The following ACAD11 variants were observed in gnomAD, a reference collection of about 807,000 sequenced individuals.
ACAD11 encodes the protein acyl-CoA dehydrogenase family member 11.
A neutral mutation model predicts 102.2 loss-of-function variants in ACAD11; 83 were observed. That is an observed-to-expected ratio of 0.81 (90% CI 0.68 to 0.97). The LOEUF (loss-of-function observed/expected upper bound fraction) is 0.97, where lower values mean the gene tolerates loss of function less well. Among genes scored for constraint, ACAD11 ranks in the 50% least tolerant of loss-of-function variants. The probability of loss-of-function intolerance (pLI) is 0.00; values close to 1 mark genes in which losing one functional copy is unlikely to be tolerated. For missense variants in ACAD11, 901 were observed against 951.7 expected (o/e 0.95, Z 0.70); for synonymous variants, 324 against 319.8 (o/e 1.01, Z -0.14).
intron 8 of ACAD11, among the ~76,000 whole-genome samples, chr3:132,627,491 T>C (rs1233683463): frequency 1.3e-5 from 2 of 152,204 alleles, no homozygotes; most frequent in East Asian, 3.8e-4. Context: ...CAAATAATCA[T>C]TATTCTTACT....
At chr3:132,603,355 AG>A (rs761906006) in intron 12 of ACAD11, 28 bp from the exon 13 acceptor site, 2 of 1,586,700 alleles carry the variant, frequency 1.3e-6, no homozygotes, top group South Asian at 2.2e-5. Context: ...CTGAATTTAC[AG>A]GCAGGCAGAT....
chr3:132,590,447 A>G (rs1938029157), intron 13 of ACAD11, among the ~76,000 whole-genome samples: 1 of 151,960 alleles, frequency 6.6e-6, no homozygotes, highest in Admixed American at 6.6e-5. Context: ...GGGTTTTGCC[A>G]TGTTGGCCAG....
intron 11 of ACAD11, 173 bp downstream of exon 11, chr3:132,618,461 A>G (rs1939493854): frequency 1.6e-6 from 1 of 622,786 alleles, no homozygotes; most frequent in South Asian, 3.5e-5. Flanking sequence ...GAATAGTCCA[A>G]TGAAAATTTC....
At chr3:132,634,270 G>C (rs1401905157) in intron 5 of ACAD11, among the ~76,000 whole-genome samples, 1 of 152,134 alleles carries the variant, frequency 6.6e-6, no homozygotes, top group Non-Finnish European at 1.5e-5. Flanking sequence ...CTTCTCAAAA[G>C]AAGACATTTA....
At position 132,631,531 on chromosome 3, in the gene ACAD11, T is replaced by A. The variant is rs373898953; in HGVS notation, c.703-52A>T. The stretch of plus-strand genomic sequence containing the variant: ...AACACATTAAAACTTAAAACAAGTA[T>A]AATAAAGAAATAAATAACATTGAAC... On this transcript the variant is annotated intron_variant, in intron 5 of 19. Transcript: ENST00000264990. 1.3e-5 allele frequency: 17 copies of A among 1,285,764 alleles called. No homozygotes were observed. In the African/African-American group the frequency reaches 2.1e-4, roughly 16 times the overall value. 79.6% of individuals were successfully genotyped at this position (1,285,764 alleles called of 1,614,324 possible).
chr3:132,644,845 A>T lies in ACAD11; in HGVS notation c.201T>A (p.Tyr67Ter). Residue 67 changes from tyrosine to a stop codon, truncating the protein, a stop_gained, in exon 2 of 20, where the codon TAT becomes TAA. Coordinates refer to ENST00000264990, the MANE Select transcript of ACAD11 (RefSeq NM_032169.5). LOFTEE classifies it high-confidence loss of function. ...AACCTGGTGGTTTTTTCCTGAGCAC[A>T]TATGTTTGAAAGCCCTTCTGGAGAT... ...TFYLQKGFQT[Y>*]VLRKKPPGSL... is the part of the protein sequence containing the mutation. 6.2e-7 allele frequency: 1 copy of T among 1,612,912 alleles called. No individual in the cohort carries two copies. Among genetic ancestry groups the T allele is most frequent in the Non-Finnish European group, 8.5e-7 (1 of 1,179,542 alleles).
At chr3:132,560,281 G>A (rs1167797368) in intron 18 of ACAD11, among the ~76,000 whole-genome samples, 1 of 152,130 alleles carries the variant, frequency 6.6e-6, no homozygotes, top group Non-Finnish European at 1.5e-5. Context: ...TCTTTTAGCA[G>A]TTTTATGGGC....
rs1041491417 is a variant in ACAD11 at position 132,616,547 on chromosome 3, CTTGTT to C, written c.1414+2082_1414+2086del. Among the ~76,000 whole-genome samples the C allele has an allele frequency of 8.0e-4, 122 of 152,310 alleles. 1 individual carries two copies. The highest frequency in any genetic ancestry group is 2.1e-4 in the Non-Finnish European group (14 of 68,024). On this transcript the variant is annotated intron_variant, in intron 11 of 19. Transcript: ENST00000264990. The stretch of plus-strand genomic sequence containing the variant: ...GCACTTGCATGTAGTAAGAGAAACT[CTTGTT>C]TTGTGAAACTTTTGTTTCAATAATA...
intron 17 of ACAD11, among the ~76,000 whole-genome samples, chr3:132,567,107 T>C (rs1444324854): frequency 6.6e-6 from 1 of 152,128 alleles, no homozygotes; most frequent in African/African-American, 2.4e-5. Flanking sequence ...GCCTCCCGAA[T>C]AGCTGGGGTT....
chr3:132,606,032 G>A (rs1422508863), intron 11 of ACAD11, among the ~76,000 whole-genome samples: 1 of 152,216 alleles, frequency 6.6e-6, no homozygotes, highest in Non-Finnish European at 1.5e-5. Flanking sequence ...GACTGCCATG[G>A]AGTAAAATTT....
intron 17 of ACAD11, among the ~76,000 whole-genome samples, chr3:132,566,394 G>C (rs1339891356): frequency 6.7e-6 from 1 of 149,878 alleles, no homozygotes; most frequent in Non-Finnish European, 1.5e-5. Context: ...AGAAGAGAAA[G>C]AGTAAGGCTG....
chr3:132,639,783 C>A, intron 4 of ACAD11, 127 bp from the exon 5 acceptor site: 1 of 796,860 alleles, frequency 1.3e-6, no homozygotes, highest in Non-Finnish European at 2.0e-6. Context: ...GCTGGTGATA[C>A]TCCTGTCATC....
At chr3:132,568,850 CAA>C (rs1937296467) in intron 17 of ACAD11, among the ~76,000 whole-genome samples, 1 of 113,048 alleles carries the variant, frequency 8.8e-6, no homozygotes, top group Non-Finnish European at 1.9e-5. Flanking sequence ...AAGTTTCATA[CAA>C]AAGTTAACTC....
intron 11 of ACAD11, among the ~76,000 whole-genome samples, chr3:132,607,821 C>T (rs532409745): frequency 3.9e-5 from 6 of 152,126 alleles, no homozygotes; most frequent in South Asian, 2.1e-4. Context: ...GACACATAAT[C>T]GTCAGATTCA....
chr3:132,559,874 G>GCACA lies in ACAD11; in HGVS notation c.2183_2186dup (p.Gly730ValfsTer14), dbSNP rs886556111. On this transcript the variant is annotated frameshift_variant, in exon 19 of 20. Transcript: ENST00000264990. LOFTEE classifies it high-confidence loss of function. ...AATCCTGGGAAACACCAGCACCTCCGCACACCTGGATGGCCCAGTCAACGA... is the reference window on the plus strand; with the variant it reads ...AATCCTGGGAAACACCAGCACCTCCGCACACACACCTGGATGGCCCAGTCAACGA... 1 of 1,613,360 alleles carries GCACA rather than the reference G, an allele frequency of 6.2e-7. No individual in the cohort carries two copies. The highest frequency in any genetic ancestry group is 1.3e-5 in the African/African-American group (1 of 74,886).
chr3:132,618,888 G>A, intron 10 of ACAD11, 116 bp from the exon 11 acceptor site: 1 of 1,062,458 alleles, frequency 9.4e-7, no homozygotes, highest in East Asian at 3.1e-5. Context: ...CACTTATGGA[G>A]TTATTTATTT....
At chr3:132,624,311 A>G (rs968420185) in intron 9 of ACAD11, among the ~76,000 whole-genome samples, 1 of 135,218 alleles carries the variant, frequency 7.4e-6, no homozygotes, top group African/African-American at 2.9e-5. Context: ...CTCTTGAAGG[A>G]AAAAAAAAAA....
intron 17 of ACAD11, among the ~76,000 whole-genome samples, chr3:132,575,457 C>T (rs1937508795): frequency 6.6e-6 from 1 of 152,162 alleles, no homozygotes; most frequent in Admixed American, 6.5e-5. Flanking sequence ...ATCCTTCTTC[C>T]TTATGACAGC....
At chr3:132,571,345 G>GT (rs533091323) in intron 17 of ACAD11, among the ~76,000 whole-genome samples, 3,947 of 128,754 alleles carry the variant, frequency 0.031, 69 homozygotes, top group African/African-American at 0.04. Flanking sequence ...CTTTTTAACG[G>GT]TTTTTTTTTT....
Sources: gnomAD v4.1 joint callset for allele counts (sites outside exome capture counted in the v4.1 genomes callset) on GRCh38, gnomAD v4.1.1 for gene constraint, MANE v1.5 for transcripts, NCBI Gene and HGNC (gene_info 2026-07-23, HGNC 2026-07-21) for gene names.